Variants in PPIP5K1 observed in about 807,000 individuals in gnomAD.
PPIP5K1 encodes the protein inositol hexakisphosphate and diphosphoinositol-pentakisphosphate kinase 1.
Under a neutral mutation model 27.7 loss-of-function variants are expected in PPIP5K1, and 6 were observed. The ratio of observed to expected loss-of-function variants is 0.22; its 90% CI spans 0.12 to 0.43. PPIP5K1 has a LOEUF of 0.43. Ranked by LOEUF, PPIP5K1 falls within the 20% of genes least tolerant of loss-of-function variation. PPIP5K1 has a pLI of 1.00. For synonymous variants in PPIP5K1, 145 were observed against 242.6 expected, an observed-to-expected ratio of 0.60 and a Z score of 3.74; for missense variants, 394 against 635.4, an observed-to-expected ratio of 0.62 and a Z score of 4.08.
chr15:43,539,210 A>C (rs1448848968), intron 31 of PPIP5K1, among the ~76,000 whole-genome samples: 1 of 151,914 alleles, frequency 6.6e-6, no homozygotes, highest in African/African-American at 2.4e-5. Flanking sequence ...AAAAAAAAAA[A>C]ACAATTATTC....
intron 30 of PPIP5K1, among the ~76,000 whole-genome samples, chr15:43,555,164 A>C (rs776546244): frequency 6.6e-5 from 10 of 152,018 alleles, no homozygotes; most frequent in Non-Finnish European, 1.5e-4. Context: ...TAAATTAATA[A>C]ATTAAAAACA....
chr15:43,558,760 CAG>C, intron 30 of PPIP5K1, 33 bp downstream of exon 30: 1 of 1,610,614 alleles, frequency 6.2e-7, no homozygotes. Context: ...GGCATGGGGG[CAG>C]AGAGAAGGGT....
At chr15:43,554,448 T>G (rs548511292) in intron 30 of PPIP5K1, among the ~76,000 whole-genome samples, 1 of 152,312 alleles carries the variant, frequency 6.6e-6, no homozygotes, top group South Asian at 2.1e-4. Context: ...GCACCGCTCC[T>G]CTTGTAACAA....
intron 10 of PPIP5K1, among the ~76,000 whole-genome samples, chr15:43,580,299 A>C (rs2084900675): frequency 2.0e-5 from 1 of 49,676 alleles, no homozygotes; most frequent in East Asian, 9.0e-4. Context: ...CTAATATTTT[A>C]TTTCTTAAGC....
In PPIP5K1 at chr15:43,534,622, G is replaced by A. The variant is rs1478567746; in HGVS notation, c.*52C>T. On this transcript the variant is annotated 3_prime_UTR_variant, in exon 32 of 32. Transcript: ENST00000420765. ...TCACCAGATGGATGCTGGGCTTGAG[G>A]AATACCCTCTCCAGGCAGCTGATCA... The A allele has an allele frequency of 1.4e-6, 2 of 1,466,538 alleles. No homozygotes were observed. Among genetic ancestry groups the A allele is most frequent in the Non-Finnish European group, 1.8e-6 (2 of 1,095,436 alleles). The allele number at this position is 1,466,538 out of a possible 1,614,324, so 90.8% of individuals were successfully genotyped here. A position where few individuals can be genotyped will look rare whatever the true frequency, so the allele number is the denominator to read the frequency against.
rs1414375304 is a variant in PPIP5K1 at position 43,581,233 on chromosome 15, A to G, written c.933T>C (p.Ala311=). The change falls in exon 9 of 32, where the codon GCT becomes GCC. Residue 311 remains alanine, a synonymous_variant. Coordinates refer to ENST00000420765, the MANE Select transcript of PPIP5K1 (RefSeq NM_001394395.1). ...EKLVARKVCV[A]FKQTVCGFDL... is the part of the protein sequence containing the mutation. ...TCCCTGGGCCCTCCTCTACCTTGAA[A>G]GCTACGCAGACTTTCCTGGCCACCA... The G allele has an allele frequency of 2.5e-6, 4 of 1,608,522 alleles. No homozygotes were observed. Among genetic ancestry groups the G allele is most frequent in the Non-Finnish European group, 3.4e-6 (4 of 1,179,658 alleles).
intron 30 of PPIP5K1, among the ~76,000 whole-genome samples, chr15:43,541,544 C>A (rs2080712457): frequency 6.6e-6 from 1 of 152,022 alleles, no homozygotes; most frequent in Non-Finnish European, 1.5e-5. Context: ...TGGAGAAATT[C>A]CATTTCTACA....
chr15:43,534,957 T>C lies in PPIP5K1; in HGVS notation c.4190A>G (p.Gln1397Arg), dbSNP rs778984197. Residue 1397 changes from glutamine to arginine, a missense_variant, in exon 32 of 32, where the codon CAG (glutamine) becomes CGG (arginine). Gln to Arg is a conservative substitution (Grantham distance 43). Coordinates refer to ENST00000420765, the MANE Select transcript of PPIP5K1 (RefSeq NM_001394395.1). Reference sequence around the variant, plus strand: ...CTTGCCAACCTCCACAGAGACCCCCTGGCATGGCTGGCTGACCTCCTCGGA... The same window carrying C: ...CTTGCCAACCTCCACAGAGACCCCCCGGCATGGCTGGCTGACCTCCTCGGA... The part of the protein sequence containing the change: ...ENSEEVSQPC[Q>R]GVSVEVGKLV... 3 of 1,614,186 alleles carry C rather than the reference T, an allele frequency of 1.9e-6. No homozygotes were observed. In the South Asian group the frequency reaches 3.3e-5, roughly 18 times the overall value.
intron 30 of PPIP5K1, among the ~76,000 whole-genome samples, chr15:43,558,441 T>C (rs1391544908): frequency 1.3e-5 from 2 of 152,120 alleles, no homozygotes; most frequent in Non-Finnish European, 2.9e-5. Flanking sequence ...TTGGCCAGGA[T>C]GGTCTCCATC....
intron 26 of PPIP5K1, among the ~76,000 whole-genome samples, chr15:43,565,594 G>A (rs2084093810): frequency 1.4e-5 from 2 of 142,586 alleles, no homozygotes; most frequent in African/African-American, 5.6e-5. Flanking sequence ...CTGTTGCCCA[G>A]GCTGCAGTGC....
intron 30 of PPIP5K1, among the ~76,000 whole-genome samples, chr15:43,556,840 G>C (rs567730044): frequency 6.6e-6 from 1 of 152,182 alleles, no homozygotes; most frequent in Non-Finnish European, 1.5e-5. Flanking sequence ...GCAGGGTGGG[G>C]CAAGAGTGAG....
chr15:43,537,034 T>C (rs79741115), intron 31 of PPIP5K1, among the ~76,000 whole-genome samples: 36 of 152,034 alleles, frequency 2.4e-4, no homozygotes, highest in African/African-American at 8.4e-4. Flanking sequence ...TTATCTCTCT[T>C]CTGTAAACAA....
At chr15:43,546,388 C>A (rs1183077205) in intron 30 of PPIP5K1, among the ~76,000 whole-genome samples, 1 of 152,162 alleles carries the variant, frequency 6.6e-6, no homozygotes, top group Non-Finnish European at 1.5e-5. Context: ...CCTTGAATTC[C>A]TGGGTTCAAG....
rs1241718871 is a variant in PPIP5K1, at chr15:43,586,751, A to G, written c.-122-1859T>C. Among the ~76,000 whole-genome samples, 14 of 94,314 alleles carry G rather than the reference A, an allele frequency of 1.5e-4. 2 individuals are homozygous for G. In the Admixed American group the frequency reaches 1.8e-3, roughly 12 times the overall value. 61.9% of individuals were successfully genotyped at this position (94,314 alleles called of 152,430 possible). ...TAATAATAATAATAATAATAATAATAGAAGACAAATGCCCAAGTTCAGAAA... is the reference window on the plus strand; with the variant it reads ...TAATAATAATAATAATAATAATAATGGAAGACAAATGCCCAAGTTCAGAAA... On this transcript the variant is annotated intron_variant, in intron 1 of 31. Coordinates refer to ENST00000420765, the MANE Select transcript of PPIP5K1 (RefSeq NM_001394395.1).
At position 43,549,046 on chromosome 15, in the gene PPIP5K1, AAAAAAAAAAAATATATATAT is replaced by A. The variant is rs1168782081; in HGVS notation, c.3557-9483_3557-9464del. Among the ~76,000 whole-genome samples the A allele has an allele frequency of 1.4e-4, 12 of 84,622 alleles. No individual in the cohort carries two copies. The East Asian group carries it at 3.2e-3, about 23-fold the overall frequency. The allele number at this position is 84,622 out of a possible 152,430, so 55.5% of individuals were successfully genotyped here. A position where few individuals can be genotyped will look rare whatever the true frequency, so the allele number is the denominator to read the frequency against. On this transcript the variant is annotated intron_variant, in intron 30 of 31. Coordinates refer to ENST00000420765, the MANE Select transcript of PPIP5K1 (RefSeq NM_001394395.1). ...CCATCTCAAAAAAAAAAAAAAAAAA[AAAAAAAAAAAATATATATAT>A]ATATATATATATATACATATATATA...
rs1463957943 is a variant in PPIP5K1, at chr15:43,539,520, A to G, written c.3620T>C (p.Leu1207Pro). 1 of 1,610,460 alleles carries G rather than the reference A, an allele frequency of 6.2e-7. No homozygotes were observed. Among genetic ancestry groups the G allele is most frequent in the Admixed American group, 1.7e-5 (1 of 59,668 alleles). ...CTGGAGTTGCAGGGGAGGTGAATGA[A>G]GAGTACGTGGTGGAGAAAATGGGTT... The part of the protein sequence containing the change: ...SDNPFSPPRT[L>P]HSPPLQLQQR... Residue 1207 changes from leucine (L) to proline (P), a missense_variant, in exon 31 of 32, where the codon CTT (leucine) becomes CCT (proline). Around this residue, in one of 4 missense-constraint regions of PPIP5K1, gnomAD observed 379 missense variants for 423.9 expected, o/e 0.89. Transcript: ENST00000420765.
chr15:43,542,510 C>G (rs572918965), intron 30 of PPIP5K1, among the ~76,000 whole-genome samples: 1 of 149,962 alleles, frequency 6.7e-6, no homozygotes, highest in Non-Finnish European at 1.5e-5. Flanking sequence ...AGGCTGGTCT[C>G]GAACTCCTGA....
intron 30 of PPIP5K1, among the ~76,000 whole-genome samples, chr15:43,548,121 T>G (rs1407406767): frequency 1.3e-5 from 2 of 151,474 alleles, no homozygotes; most frequent in Non-Finnish European, 2.9e-5. Flanking sequence ...TTTTTCAAGA[T>G]GGAGTCTTGC....
chr15:43,546,013 G>GA (rs567940261), intron 30 of PPIP5K1, among the ~76,000 whole-genome samples: 84 of 139,800 alleles, frequency 6.0e-4, no homozygotes, highest in Non-Finnish European at 4.7e-4. Flanking sequence ...ACTTTATGGG[G>GA]AAAAAAAAAA....
Sources: allele counts gnomAD v4.1 joint callset (sites outside exome capture counted in the v4.1 genomes callset), GRCh38; gene constraint gnomAD v4.1.1; regional missense constraint gnomAD v4.1.1; transcripts MANE v1.5; gene names NCBI Gene and HGNC (gene_info 2026-07-23, HGNC 2026-07-21).